The following ITGA8 variants were observed in gnomAD, a reference collection of about 807,000 sequenced individuals.
ITGA8 encodes integrin subunit alpha 8.
In ITGA8, 91 loss-of-function variants were observed where a neutral mutation model predicts 142.3. That is an observed-to-expected ratio of 0.64 (90% confidence interval 0.54 to 0.76). ITGA8 has a LOEUF of 0.76. ITGA8 is among the 30% of genes least tolerant of loss of function. The pLI, the probability that ITGA8 is intolerant of heterozygous loss-of-function variation, is 0.00. For missense variants in ITGA8, 1,406 were observed against 1,327.7 expected, an observed-to-expected ratio of 1.06 and a Z score of -0.92; for synonymous variants, 505 against 485.2, an observed-to-expected ratio of 1.04 and a Z score of -0.54.
intron 22 of ITGA8, 136 bp downstream of exon 22, chr10:15,592,089 G>A: frequency 1.8e-6 from 1 of 558,824 alleles, no homozygotes. Context: ...AAACAAAGAA[G>A]AAATGGGCTG....
chr10:15,718,692 G>T, intron 2 of ITGA8, 74 bp downstream of exon 2: 1 of 1,571,094 alleles, frequency 6.4e-7, no homozygotes, highest in South Asian at 1.1e-5. Context: ...CCAAGACAGC[G>T]GGAAGTCGCC....
intron 27 of ITGA8, among the ~76,000 whole-genome samples, chr10:15,542,495 G>A (rs1833590042): frequency 6.6e-6 from 1 of 151,980 alleles, no homozygotes; most frequent in African/African-American, 2.4e-5. Flanking sequence ...GAAATAGCAT[G>A]CTATACAATT....
intron 26 of ITGA8, 130 bp downstream of exon 26, chr10:15,557,944 G>A (rs967150234): frequency 8.7e-7 from 1 of 1,150,110 alleles, no homozygotes; most frequent in Non-Finnish European, 1.2e-6. Flanking sequence ...GATAAACACT[G>A]CCAAACGTTA....
intron 25 of ITGA8, among the ~76,000 whole-genome samples, chr10:15,560,427 C>A (rs2131570717): frequency 6.6e-6 from 1 of 152,228 alleles, no homozygotes; most frequent in South Asian, 2.1e-4. Context: ...GAAATTAAAT[C>A]CTTCTGTTGT....
intron 13 of ITGA8, among the ~76,000 whole-genome samples, chr10:15,638,967 A>C (rs952026553): frequency 6.6e-6 from 1 of 151,970 alleles, no homozygotes; most frequent in East Asian, 1.9e-4. Flanking sequence ...TCTCTACAAA[A>C]AAAATCAAAA....
chr10:15,616,570 C>T lies in ITGA8; in HGVS notation c.1400-11G>A, dbSNP rs9333267. On this transcript the variant is annotated splice_polypyrimidine_tract_variant and intron_variant, in intron 13 of 29. Transcript: ENST00000378076. ...CACCCACAATCAAATCTTAAAAAGA[C>T]AAAAACACAGAACACATGCGTGAAT... 5,860 of 1,610,184 alleles carry T rather than the reference C, an allele frequency of 3.6e-3. 19 individuals are homozygous for T. The highest frequency in any genetic ancestry group is 4.4e-3 in the Non-Finnish European group (5,204 of 1,177,806).
chr10:15,593,112 G>A (rs1033302012), intron 21 of ITGA8, among the ~76,000 whole-genome samples: 1 of 152,210 alleles, frequency 6.6e-6, no homozygotes, highest in African/African-American at 2.4e-5. Flanking sequence ...GTACAGGAGT[G>A]CGGATGCGCT....
chr10:15,592,155 T>C, intron 22 of ITGA8, 70 bp downstream of exon 22: 2 of 1,148,958 alleles, frequency 1.7e-6, no homozygotes, highest in African/African-American at 3.1e-5. Flanking sequence ...CCTTGACAGA[T>C]GACATCATTT....
At chr10:15,656,390 G>T (rs953884578) in intron 10 of ITGA8, among the ~76,000 whole-genome samples, 2 of 151,382 alleles carry the variant, frequency 1.3e-5, no homozygotes, top group African/African-American at 4.9e-5. Context: ...TTGAGATGAA[G>T]TCTCGCTCTG....
At chr10:15,674,087 C>G (rs1834581142) in intron 6 of ITGA8, among the ~76,000 whole-genome samples, 1 of 152,124 alleles carries the variant, frequency 6.6e-6, no homozygotes, top group Admixed American at 6.6e-5. Flanking sequence ...TGTTGGAAGT[C>G]CACAAAAGAA....
intron 22 of ITGA8, among the ~76,000 whole-genome samples, chr10:15,591,450 T>TTATATTATATTA (rs1832921431): frequency 6.8e-6 from 1 of 146,392 alleles, no homozygotes; most frequent in South Asian, 2.1e-4. Context: ...TTATATTATA[T>TTATATTATATTA]GTTACTTTCC....
At chr10:15,708,177 G>T (rs1469953879) in intron 2 of ITGA8, among the ~76,000 whole-genome samples, 1 of 152,126 alleles carries the variant, frequency 6.6e-6, no homozygotes, top group East Asian at 1.9e-4. Flanking sequence ...TTTACCATTT[G>T]CTAATGCTAA....
intron 13 of ITGA8, among the ~76,000 whole-genome samples, chr10:15,634,001 G>C (rs1833728024): frequency 6.6e-6 from 1 of 152,160 alleles, no homozygotes; most frequent in Non-Finnish European, 1.5e-5. Flanking sequence ...ACTGTGGCAA[G>C]AACACACTTG....
At chr10:15,644,513 G>T in intron 12 of ITGA8, among the ~76,000 whole-genome samples, 2 of 99,922 alleles carry the variant, frequency 2.0e-5, no homozygotes, top group African/African-American at 3.7e-5. Flanking sequence ...TTTTTTTTGA[G>T]CAATGGGTCC....
chr10:15,612,423 C>G (rs151248548), intron 15 of ITGA8, among the ~76,000 whole-genome samples: 1 of 152,262 alleles, frequency 6.6e-6, no homozygotes, highest in African/African-American at 2.4e-5. Flanking sequence ...TGAGTTAGAC[C>G]ACGTCTCCTG....
chr10:15,579,465 C>G (rs1373992049), intron 23 of ITGA8, among the ~76,000 whole-genome samples: 1 of 151,868 alleles, frequency 6.6e-6, no homozygotes, highest in African/African-American at 2.4e-5. Flanking sequence ...TATGTCCTAA[C>G]AAATAGAAAC....
intron 25 of ITGA8, among the ~76,000 whole-genome samples, chr10:15,563,784 G>C (rs1834025503): frequency 6.6e-6 from 1 of 152,072 alleles, no homozygotes; most frequent in Non-Finnish European, 1.5e-5. Flanking sequence ...GCTGGTGGTG[G>C]TGCACACCTG....
At chr10:15,537,595 C>T (rs1346984059) in intron 27 of ITGA8, among the ~76,000 whole-genome samples, 3 of 152,172 alleles carry the variant, frequency 2.0e-5, no homozygotes, top group Non-Finnish European at 4.4e-5. Flanking sequence ...AATCAGCCTC[C>T]TACCGGAATA....
chr10:15,647,306 T>C (rs888915578), intron 11 of ITGA8, among the ~76,000 whole-genome samples: 8 of 152,186 alleles, frequency 5.3e-5, no homozygotes, highest in South Asian at 2.1e-4. Context: ...ACCACAGATA[T>C]TTTACCATTT....
Sources: allele counts gnomAD v4.1 joint callset (sites outside exome capture counted in the v4.1 genomes callset), GRCh38; gene constraint gnomAD v4.1.1; transcripts MANE v1.5; gene names NCBI Gene and HGNC (gene_info 2026-07-23, HGNC 2026-07-21).